SLC9A9: variants seen among roughly 807,000 people sequenced by gnomAD.
The protein encoded by SLC9A9 is sodium/hydrogen exchanger 9.
A neutral mutation model predicts 77.8 loss-of-function variants in SLC9A9; 62 were observed. The observed-to-expected ratio is 0.80, with a 90% confidence interval of 0.65 to 0.98. The LOEUF (loss-of-function observed/expected upper bound fraction) is 0.98, where lower values mean the gene tolerates loss of function less well. Among genes scored for constraint, SLC9A9 ranks in the 50% least tolerant of loss-of-function variants. The pLI is 0.00. For missense variants in SLC9A9, 775 were observed against 774.9 expected, an observed-to-expected ratio of 1.00 and a Z score of 0.00; for synonymous variants, 320 against 283.5, an observed-to-expected ratio of 1.13 and a Z score of -1.29.
intron 14 of SLC9A9, among the ~76,000 whole-genome samples, chr3:143,347,528 G>A (rs1305878060): frequency 6.6e-6 from 1 of 152,142 alleles, no homozygotes; most frequent in South Asian, 2.1e-4. Context: ...ATCTCTTTAA[G>A]GTCCAGAGTT....
At chr3:143,670,961 T>C (rs2039146134) in intron 5 of SLC9A9, among the ~76,000 whole-genome samples, 1 of 152,224 alleles carries the variant, frequency 6.6e-6, no homozygotes, top group Non-Finnish European at 1.5e-5. Context: ...CACATCACTG[T>C]TCTATTTTGA....
chr3:143,805,512 C>T (rs1373192797), intron 2 of SLC9A9, among the ~76,000 whole-genome samples: 2 of 152,156 alleles, frequency 1.3e-5, no homozygotes, highest in East Asian at 1.9e-4. Context: ...GCCATCTTAT[C>T]CCCTGTGACC....
At chr3:143,630,668 A>G (rs116833453) in intron 6 of SLC9A9, among the ~76,000 whole-genome samples, 58 of 152,282 alleles carry the variant, frequency 3.8e-4, no homozygotes, top group African/African-American at 1.3e-3. Context: ...GGGAAAATGG[A>G]ATTCTGATTT....
chr3:143,387,552 C>T (rs2033457452), intron 12 of SLC9A9, among the ~76,000 whole-genome samples: 1 of 152,042 alleles, frequency 6.6e-6, no homozygotes, highest in Non-Finnish European at 1.5e-5. Context: ...TGAGTGCTGC[C>T]TCTATGGTAT....
intron 4 of SLC9A9, among the ~76,000 whole-genome samples, chr3:143,771,655 T>C (rs940366670): frequency 6.6e-6 from 1 of 152,198 alleles, no homozygotes; most frequent in Non-Finnish European, 1.5e-5. Context: ...CTTAATTATA[T>C]CTGGGAATTT....
chr3:143,805,130 C>T (rs1264714161), intron 2 of SLC9A9, among the ~76,000 whole-genome samples: 1 of 152,170 alleles, frequency 6.6e-6, no homozygotes, highest in Non-Finnish European at 1.5e-5. Flanking sequence ...TGTCCTGGGT[C>T]CTCCCAATTC....
At chr3:143,799,252 T>C (rs1472937799) in intron 2 of SLC9A9, among the ~76,000 whole-genome samples, 3 of 151,698 alleles carry the variant, frequency 2.0e-5, no homozygotes, top group Non-Finnish European at 4.4e-5. Context: ...CCTAGACCCA[T>C]AGGGGCCAGA....
chr3:143,654,700 T>C (rs950719229), intron 5 of SLC9A9, among the ~76,000 whole-genome samples: 6 of 152,200 alleles, frequency 3.9e-5, no homozygotes, highest in African/African-American at 1.4e-4. Context: ...CTTTAGACTC[T>C]GTAGCTGTTC....
At chr3:143,428,824 C>A (rs545869971) in intron 12 of SLC9A9, among the ~76,000 whole-genome samples, 7 of 152,256 alleles carry the variant, frequency 4.6e-5, no homozygotes, top group Non-Finnish European at 7.4e-5. Flanking sequence ...GGTAAAGAAG[C>A]CAGACACTGT....
intron 14 of SLC9A9, among the ~76,000 whole-genome samples, chr3:143,282,746 G>A (rs1938261267): frequency 6.6e-6 from 1 of 152,192 alleles, no homozygotes; most frequent in African/African-American, 2.4e-5. Context: ...TAGGACTGTG[G>A]TGGCATCATG....
chr3:143,280,894 A>G (rs1938199043), intron 14 of SLC9A9, among the ~76,000 whole-genome samples: 1 of 151,942 alleles, frequency 6.6e-6, no homozygotes, highest in Admixed American at 6.6e-5. Flanking sequence ...ATGCCTCAAC[A>G]TTTTCTCAAC....
intron 14 of SLC9A9, among the ~76,000 whole-genome samples, chr3:143,333,743 A>AT (rs1179829526): frequency 6.6e-6 from 1 of 152,274 alleles, no homozygotes; most frequent in Non-Finnish European, 1.5e-5. Context: ...CTAGAAATGA[A>AT]ACAAAGTAAG....
intron 9 of SLC9A9, among the ~76,000 whole-genome samples, chr3:143,502,268 CA>C (rs2035934842): frequency 6.6e-6 from 1 of 150,824 alleles, no homozygotes; most frequent in Non-Finnish European, 1.5e-5. Context: ...GTTCAAGGGG[CA>C]GGGGGGAAGC....
intron 6 of SLC9A9, among the ~76,000 whole-genome samples, chr3:143,579,127 TGGCCTGTGCACAAATG>T (rs970703035): frequency 6.6e-6 from 1 of 152,210 alleles, no homozygotes; most frequent in Non-Finnish European, 1.5e-5. Flanking sequence ...TGCACTTTTA[TGGCCTGTGCACAAATG>T]GGTGATACAA....
intron 2 of SLC9A9, among the ~76,000 whole-genome samples, chr3:143,800,106 C>T (rs1335019139): frequency 6.6e-6 from 1 of 152,114 alleles, no homozygotes; most frequent in Non-Finnish European, 1.5e-5. Flanking sequence ...TACAGCCATA[C>T]CTCATTGCTG....
chr3:143,678,373 T>G (rs1932954790), intron 5 of SLC9A9, among the ~76,000 whole-genome samples: 1 of 152,200 alleles, frequency 6.6e-6, no homozygotes, highest in Non-Finnish European at 1.5e-5. Context: ...AGAGTCTCTA[T>G]ATCCTTAATC....
At position 143,451,164 on chromosome 3, in the gene SLC9A9, TAA is replaced by T. The variant is rs199893171; in HGVS notation, c.1469+15871_1469+15872del. Among the ~76,000 whole-genome samples the T allele has an allele frequency of 2.1e-5, 3 of 145,098 alleles. No individual in the cohort carries two copies. The East Asian group carries it at 5.9e-4, about 29-fold the overall frequency. On this transcript the variant is annotated intron_variant, in intron 12 of 15. Coordinates refer to ENST00000316549, the MANE Select transcript of SLC9A9 (RefSeq NM_173653.4). Reference sequence around the variant, plus strand: ...AATCTAGCACTGGCAAGAGTGTTATTAAAAAAAAAAAGAGGAAAAGAAGAGCT... The same window carrying T: ...AATCTAGCACTGGCAAGAGTGTTATTAAAAAAAAAGAGGAAAAGAAGAGCT...
chr3:143,786,002 A>G (rs1189253346), intron 4 of SLC9A9, among the ~76,000 whole-genome samples: 6 of 151,244 alleles, frequency 4.0e-5, no homozygotes, highest in Non-Finnish European at 7.4e-5. Flanking sequence ...GACTACAGGC[A>G]CGCGCCACCA....
intron 5 of SLC9A9, among the ~76,000 whole-genome samples, chr3:143,689,665 C>T (rs1933393216): frequency 7.7e-6 from 1 of 130,650 alleles, no homozygotes; most frequent in African/African-American, 2.8e-5. Context: ...TCACCTTGGC[C>T]TCACATAGGG....
Sources: gnomAD v4.1 joint callset for allele counts (sites outside exome capture counted in the v4.1 genomes callset) on GRCh38, gnomAD v4.1.1 for gene constraint, MANE v1.5 for transcripts, NCBI Gene and HGNC (gene_info 2026-07-23, HGNC 2026-07-21) for gene names.